Variants in PHF14 observed in about 807,000 individuals in gnomAD.
PHF14 encodes PHD finger protein 14.
Under a neutral mutation model 117.9 loss-of-function variants are expected in PHF14, and 55 were observed. The ratio of observed to expected loss-of-function variants is 0.47; its 90% CI spans 0.38 to 0.58. The LOEUF (loss-of-function observed/expected upper bound fraction) is 0.58. PHF14 is among the 20% of genes least tolerant of loss of function. The pLI is 0.00. For missense variants in PHF14, 978 were observed against 1,122.2 expected, an observed-to-expected ratio of 0.87 and a Z score of 1.84; for synonymous variants, 409 against 368.6, an observed-to-expected ratio of 1.11 and a Z score of -1.26.
Position 10,974,870 on chromosome 7 carries a change from T to C in PHF14, c.37T>C (p.Leu13=), listed in dbSNP as rs374418290. The change falls in exon 2 of 18, where the codon TTG becomes CTG. Residue 13 remains leucine, a synonymous_variant. Coordinates refer to ENST00000634607, the MANE Select transcript of PHF14 (RefSeq NM_001007157.2). ...RSSKRRQVKP[L]AASLLEALDY... ...CTCCAAGAGGAGGCAGGTGAAGCCT[T>C]TGGCAGCTTCTCTGCTGGAAGCTCT... The C allele has an allele frequency of 2.4e-5, 38 of 1,594,606 alleles. No individual in the cohort carries two copies. The African/African-American group carries it at 4.3e-4, about 18-fold the overall frequency.
chr7:11,001,511 C>T (rs1040157016), intron 4 of PHF14, among the ~76,000 whole-genome samples: 4 of 151,966 alleles, frequency 2.6e-5, no homozygotes, highest in African/African-American at 9.7e-5. Context: ...CAATATTGAG[C>T]TTTTTTATTC....
At chr7:11,048,894 TC>T (rs34966429) in intron 13 of PHF14, among the ~76,000 whole-genome samples, 54,219 of 151,986 alleles carry the variant, frequency 0.36, 10,316 homozygotes, top group East Asian at 0.74. Context: ...TTTGAGTTGT[TC>T]CGTGTTTTGT....
intron 2 of PHF14, among the ~76,000 whole-genome samples, chr7:10,981,144 C>A (rs1272328920): frequency 1.3e-5 from 2 of 152,122 alleles, no homozygotes; most frequent in Non-Finnish European, 2.9e-5. Context: ...TAATTACAGA[C>A]AGCTTCCTTC....
intron 2 of PHF14, among the ~76,000 whole-genome samples, chr7:10,980,549 C>T (rs1445847787): frequency 6.6e-5 from 10 of 152,052 alleles, no homozygotes; most frequent in African/African-American, 9.7e-5. Flanking sequence ...GCTTTAGAGA[C>T]TGAAAAGAAG....
Position 11,098,212 on chromosome 7 carries a change from T to C in PHF14, c.2655-13138T>C, listed in dbSNP as rs151227623. Among the ~76,000 whole-genome samples, 985 of 152,330 alleles carry C rather than the reference T, an allele frequency of 6.5e-3. 5 individuals are homozygous for C. The highest frequency in any genetic ancestry group is 0.02 in the Middle Eastern group (6 of 294). ...TCTGTTCAAAACATTTAAAAAACTT[T>C]AGCCATGTATATAATTTGAAAGCTG... On this transcript the variant is annotated intron_variant, in intron 16 of 17. Coordinates refer to ENST00000634607, the MANE Select transcript of PHF14 (RefSeq NM_001007157.2).
At chr7:11,064,435 A>T (rs971687015) in intron 16 of PHF14, among the ~76,000 whole-genome samples, 4 of 151,898 alleles carry the variant, frequency 2.6e-5, no homozygotes, top group Non-Finnish European at 2.9e-5. Context: ...TTCAGCGCTT[A>T]CTCAGACATA....
rs1368293737 is a variant in PHF14, at chr7:11,078,029, G to GTATATGTGGCATGTGGGTATT, written c.2654+15946_2654+15966dup. Reference sequence around the variant, plus strand: ...CTTTTTCAAGTATTAAAATGCCTGAGTATATGTGGCATGTGGGTATTTTAG... The same window carrying GTATATGTGGCATGTGGGTATT: ...CTTTTTCAAGTATTAAAATGCCTGAGTATATGTGGCATGTGGGTATTTATATGTGGCATGTGGGTATTTTAG... On this transcript the variant is annotated intron_variant, in intron 16 of 17. Transcript: ENST00000634607. Among the ~76,000 whole-genome samples the GTATATGTGGCATGTGGGTATT allele has an allele frequency of 5.9e-5, 9 of 152,290 alleles. No homozygotes were observed. In the East Asian group the frequency reaches 1.3e-3, roughly 23 times the overall value.
At chr7:11,030,404 A>G (rs111939165) in intron 7 of PHF14, among the ~76,000 whole-genome samples, 2,687 of 152,066 alleles carry the variant, frequency 0.018, 62 homozygotes, top group Admixed American at 0.062. Context: ...CTTTTTTACT[A>G]TGGTAGTTTG....
chr7:11,060,329 T>C (rs1410598439), intron 14 of PHF14, among the ~76,000 whole-genome samples: 2 of 152,208 alleles, frequency 1.3e-5, no homozygotes, highest in Non-Finnish European at 1.5e-5. Flanking sequence ...AAGATGAATA[T>C]GATATGGTCC....
chr7:11,129,883 G>A (rs1444336964), intron 17 of PHF14, among the ~76,000 whole-genome samples: 5 of 151,958 alleles, frequency 3.3e-5, no homozygotes, highest in Non-Finnish European at 5.9e-5. Flanking sequence ...TTGAGAGTAG[G>A]ATGATTGCTT....
At chr7:11,119,645 A>G (rs1047114723) in intron 17 of PHF14, among the ~76,000 whole-genome samples, 3 of 151,902 alleles carry the variant, frequency 2.0e-5, no homozygotes, top group Non-Finnish European at 2.9e-5. Flanking sequence ...TAGTGAGAGT[A>G]ATTTGGTTCC....
chr7:11,108,599 T>TAGG (rs1354361732), intron 16 of PHF14: 5 of 151,788 alleles, frequency 3.3e-5, no homozygotes, highest in African/African-American at 1.2e-4. Context: ...CAGCAAGGAT[T>TAGG]AGGTCATTTT....
chr7:10,984,254 C>T (rs759730948), intron 3 of PHF14, among the ~76,000 whole-genome samples: 1 of 151,950 alleles, frequency 6.6e-6, no homozygotes, highest in African/African-American at 2.4e-5. Flanking sequence ...ATTTCGTTAC[C>T]AAAATAATCT....
rs1449555574 is a variant in PHF14, at chr7:10,996,787, C to T, written c.1045+5940C>T. ...TGATATGTTTTGGCTTATCAACCTT[C>T]TTTGCTAATGCTGCGGTTGTGAGAA... On this transcript the variant is annotated intron_variant, in intron 4 of 17. Transcript: ENST00000634607. Among the ~76,000 whole-genome samples the T allele has an allele frequency of 2.0e-5, 3 of 152,290 alleles. No homozygotes were observed. The East Asian group carries it at 5.8e-4, about 29-fold the overall frequency.
intron 16 of PHF14, among the ~76,000 whole-genome samples, chr7:11,081,583 G>A (rs1318447716): frequency 8.5e-5 from 13 of 152,086 alleles, no homozygotes; most frequent in African/African-American, 9.7e-5. Context: ...AAGATTTATC[G>A]TGGTGACCCA....
rs566159193 is a variant in PHF14 at position 11,108,437 on chromosome 7, A to G, written c.2655-2913A>G. ...AGTCTTGAAGCTGAAGCTTTTATTTACTTTTGAGTGAGCTAGAACCTCAGA... is the reference window on the plus strand; with the variant it reads ...AGTCTTGAAGCTGAAGCTTTTATTTGCTTTTGAGTGAGCTAGAACCTCAGA... On this transcript the variant is annotated intron_variant, in intron 16 of 17. Transcript: ENST00000634607. 2.0e-5 allele frequency: 3 copies of G among 151,640 alleles called. No individual in the cohort carries two copies. The East Asian group carries it at 5.8e-4, about 29-fold the overall frequency. The allele number at this position is 151,640 out of a possible 1,614,324, so 9.4% of individuals were successfully genotyped here.
intron 16 of PHF14, among the ~76,000 whole-genome samples, chr7:11,086,576 A>C (rs1786417456): frequency 6.6e-6 from 1 of 152,190 alleles, no homozygotes; most frequent in Non-Finnish European, 1.5e-5. Flanking sequence ...TTAATATTCC[A>C]GGTCCGAAGC....
Position 11,042,817 on chromosome 7 carries a change from G to A in PHF14, c.2312+3G>A. 3 of 1,552,546 alleles carry A rather than the reference G, an allele frequency of 1.9e-6. No homozygotes were observed. The South Asian group carries it at 3.5e-5, about 18-fold the overall frequency. On this transcript the variant is annotated splice_donor_region_variant and intron_variant, in intron 13 of 17. Coordinates refer to ENST00000634607, the MANE Select transcript of PHF14 (RefSeq NM_001007157.2). ...AGAAAGACCAAAAACAGTTATTGGT[G>A]AGTAAAATAGAGGAGATTTAGATGT...
chr7:11,004,697 A>G (rs1176782595), intron 4 of PHF14, among the ~76,000 whole-genome samples: 2 of 137,796 alleles, frequency 1.5e-5, no homozygotes, highest in South Asian at 4.5e-4. Context: ...TTTTTTTTGT[A>G]AGAGTATTGT....
Sources: allele counts gnomAD v4.1 joint callset (sites outside exome capture counted in the v4.1 genomes callset), GRCh38; gene constraint gnomAD v4.1.1; transcripts MANE v1.5; gene names NCBI Gene and HGNC (gene_info 2026-07-23, HGNC 2026-07-21).